TRIM71: variants seen among roughly 807,000 people sequenced by gnomAD.
TRIM71 encodes the protein E3 ubiquitin-protein ligase TRIM71.
A neutral mutation model predicts 61.2 loss-of-function variants in TRIM71; 9 were observed. The ratio of observed to expected loss-of-function variants is 0.15; its 90% CI spans 0.09 to 0.26. The LOEUF (loss-of-function observed/expected upper bound fraction) is 0.26, where lower values mean the gene tolerates loss of function less well. Ranked by LOEUF, TRIM71 falls within the 10% of genes least tolerant of loss-of-function variation. The pLI is 1.00. For missense variants in TRIM71, 998 were observed against 1,238.7 expected, an observed-to-expected ratio of 0.81 and a Z score of 2.92; for synonymous variants, 645 against 553.2, an observed-to-expected ratio of 1.17 and a Z score of -2.33.
At chr3:32,843,770 A>AGG (rs1484688635) in intron 1 of TRIM71, among the ~76,000 whole-genome samples, 1 of 152,152 alleles carries the variant, frequency 6.6e-6, no homozygotes. Flanking sequence ...CCATTAGCTG[A>AGG]GGGAACCTCC....
intron 1 of TRIM71, among the ~76,000 whole-genome samples, chr3:32,832,681 G>A (rs186554888): frequency 2.8e-4 from 42 of 152,146 alleles, no homozygotes; most frequent in African/African-American, 7.2e-4. Context: ...TGAAGACCCC[G>A]TCTCAATAAA....
At chr3:32,852,410 G>T (rs1358213451) in intron 1 of TRIM71, among the ~76,000 whole-genome samples, 2 of 152,166 alleles carry the variant, frequency 1.3e-5, no homozygotes, top group Non-Finnish European at 2.9e-5. Flanking sequence ...CAAAACAGTG[G>T]TTCAAACAAA....
At chr3:32,829,146 G>A (rs1027324527) in intron 1 of TRIM71, among the ~76,000 whole-genome samples, 2 of 150,440 alleles carry the variant, frequency 1.3e-5, no homozygotes, top group East Asian at 1.9e-4. Context: ...GGAGTGCACC[G>A]CCATGCCTGG....
intron 1 of TRIM71, among the ~76,000 whole-genome samples, chr3:32,855,502 G>A (rs931762749): frequency 6.6e-6 from 1 of 152,108 alleles, no homozygotes; most frequent in South Asian, 2.1e-4. Flanking sequence ...GGGGTGTGGC[G>A]TGATATGTCT....
intron 1 of TRIM71, among the ~76,000 whole-genome samples, chr3:32,836,084 C>G (rs1696330895): frequency 6.6e-6 from 1 of 152,196 alleles, no homozygotes; most frequent in African/African-American, 2.4e-5. Flanking sequence ...CTGTAACCCT[C>G]TCTTATAGAA....
intron 1 of TRIM71, among the ~76,000 whole-genome samples, chr3:32,827,881 G>A (rs1452045076): frequency 2.0e-5 from 3 of 152,106 alleles, no homozygotes; most frequent in South Asian, 2.1e-4. Flanking sequence ...TTTTCTTCTC[G>A]TCTTAACCTT....
intron 1 of TRIM71, among the ~76,000 whole-genome samples, chr3:32,838,732 A>G (rs558505993): frequency 6.6e-6 from 1 of 152,140 alleles, no homozygotes; most frequent in African/African-American, 2.4e-5. Flanking sequence ...GGTCAATTGG[A>G]TGTGACAGAT....
chr3:32,867,920 G>A (rs1177421662), intron 1 of TRIM71, among the ~76,000 whole-genome samples: 1 of 152,056 alleles, frequency 6.6e-6, no homozygotes, highest in Non-Finnish European at 1.5e-5. Flanking sequence ...CTTGTGTGTG[G>A]TGTGTGTGTT....
At chr3:32,825,270 A>C (rs1264168282) in intron 1 of TRIM71, among the ~76,000 whole-genome samples, 1 of 152,224 alleles carries the variant, frequency 6.6e-6, no homozygotes, top group Non-Finnish European at 1.5e-5. Flanking sequence ...TAAGGGAGTT[A>C]GCTCTTGTGG....
Position 32,897,253 on chromosome 3 carries a change from G to A in TRIM71, c.*5442G>A, listed in dbSNP as rs1486862541. 1 of 151,790 alleles carries A rather than the reference G, an allele frequency of 6.6e-6. No homozygotes were observed. The highest frequency in any genetic ancestry group is 1.5e-5 in the Non-Finnish European group (1 of 67,968). The allele number at this position is 151,790 out of a possible 1,614,324, so 9.4% of individuals were successfully genotyped here. A position where few individuals can be genotyped will look rare whatever the true frequency, so the allele number is the denominator to read the frequency against. On this transcript the variant is annotated 3_prime_UTR_variant, in exon 4 of 4. Coordinates refer to ENST00000383763, the MANE Select transcript of TRIM71 (RefSeq NM_001039111.3). Reference sequence around the variant, plus strand: ...AATGTGGGCAAGTTGCCTTATGTTAGAATGACTAAGTTAAACCTCTTAATT... The same window carrying A: ...AATGTGGGCAAGTTGCCTTATGTTAAAATGACTAAGTTAAACCTCTTAATT...
At chr3:32,837,182 G>C (rs115239499) in intron 1 of TRIM71, among the ~76,000 whole-genome samples, 6 of 152,164 alleles carry the variant, frequency 3.9e-5, no homozygotes, top group Non-Finnish European at 7.3e-5. Context: ...TTTCCTAAGC[G>C]TATGCAATGC....
intron 1 of TRIM71, among the ~76,000 whole-genome samples, chr3:32,820,591 T>A (rs1696116078): frequency 6.6e-6 from 1 of 152,200 alleles, no homozygotes; most frequent in South Asian, 2.1e-4. Context: ...CAGAATGGGG[T>A]TGAATCCAGG....
chr3:32,822,790 T>C (rs1308920385), intron 1 of TRIM71, among the ~76,000 whole-genome samples: 1 of 152,206 alleles, frequency 6.6e-6, no homozygotes, highest in Admixed American at 6.5e-5. Flanking sequence ...TAGGTATAGC[T>C]AAAGAACCAC....
chr3:32,831,203 C>T (rs1696266708), intron 1 of TRIM71, among the ~76,000 whole-genome samples: 1 of 152,004 alleles, frequency 6.6e-6, no homozygotes, highest in South Asian at 2.1e-4. Context: ...GAAAAATGCT[C>T]TCAGCTTCTT....
chr3:32,889,011 G>C (rs112120305), intron 3 of TRIM71, among the ~76,000 whole-genome samples: 41 of 152,280 alleles, frequency 2.7e-4, no homozygotes, highest in African/African-American at 9.1e-4. Context: ...CTGTCCCTCA[G>C]TGCTCTTTGT....
Position 32,818,110 on chromosome 3 carries a change from G to C in TRIM71, c.30G>C (p.Gln10His), listed in dbSNP as rs369607608. Residue 10 changes from glutamine (Q) to histidine (H), a missense_variant, in exon 1 of 4, where the codon CAG (glutamine) becomes CAC (histidine). Physicochemically the swap from Gln to His is conservative, Grantham distance 24. Coordinates refer to ENST00000383763, the MANE Select transcript of TRIM71 (RefSeq NM_001039111.3). MASFPETDF[Q>H]ICLLCKEMCG... is the part of the protein sequence containing the mutation. ...CTTCGTTCCCCGAGACCGATTTCCAGATCTGCTTGCTGTGCAAGGAGATGT... is the reference window on the plus strand; with the variant it reads ...CTTCGTTCCCCGAGACCGATTTCCACATCTGCTTGCTGTGCAAGGAGATGT... 8.1e-6 allele frequency: 13 copies of C among 1,611,976 alleles called. No individual in the cohort carries two copies. The East Asian group carries it at 2.2e-4, about 28-fold the overall frequency.
chr3:32,847,428 C>A (rs1696488295), intron 1 of TRIM71, among the ~76,000 whole-genome samples: 2 of 152,188 alleles, frequency 1.3e-5, no homozygotes, highest in African/African-American at 2.4e-5. Flanking sequence ...CTCCCGACTT[C>A]AGGTGATCCG....
Position 32,818,762 on chromosome 3 carries a change from C to G in TRIM71, c.682C>G (p.Gln228Glu), listed in dbSNP as rs748286589. The change falls in exon 1 of 4, where the codon CAG (glutamine) becomes GAG (glutamate). Residue 228 changes from glutamine (Q) to glutamate (E), a missense_variant. Physicochemically the swap from Gln to Glu is conservative, Grantham distance 29. Transcript: ENST00000383763. ...GTGCGACAACTGCGTCCGAGCGCACCAGCGCGTGCGCCTCACCAAGGACCA... is the reference window on the plus strand; with the variant it reads ...GTGCGACAACTGCGTCCGAGCGCACGAGCGCGTGCGCCTCACCAAGGACCA... ...HLCDNCVRAH[Q>E]RVRLTKDHYI... The G allele has an allele frequency of 6.2e-7, 1 of 1,606,334 alleles. No individual in the cohort carries two copies. Among genetic ancestry groups the G allele is most frequent in the Non-Finnish European group, 8.5e-7 (1 of 1,178,362 alleles).
intron 1 of TRIM71, among the ~76,000 whole-genome samples, chr3:32,825,500 G>A (rs9847837): frequency 0.62 from 94,709 of 151,984 alleles, 30,811 homozygotes; most frequent in East Asian, 0.74. Context: ...TTTTGTCTGT[G>A]TTCATTCTTA....
Sources: allele counts gnomAD v4.1 joint callset (sites outside exome capture counted in the v4.1 genomes callset), GRCh38; gene constraint gnomAD v4.1.1; transcripts MANE v1.5; gene names NCBI Gene and HGNC (gene_info 2026-07-23, HGNC 2026-07-21).